DYNC1I1: variants seen among roughly 807,000 people sequenced by gnomAD.
The protein encoded by DYNC1I1 is dynein cytoplasmic 1 intermediate chain 1.
DYNC1I1 carries 43 observed loss-of-function variants against 86.6 expected under a neutral mutation model. The ratio of observed to expected loss-of-function variants is 0.50; its 90% CI spans 0.39 to 0.64. The LOEUF (loss-of-function observed/expected upper bound fraction) is 0.64, where lower values mean the gene tolerates loss of function less well. Among genes scored for constraint, DYNC1I1 ranks in the 30% least tolerant of loss-of-function variants. The probability of loss-of-function intolerance (pLI) is 0.00; values close to 1 mark genes in which losing one functional copy is unlikely to be tolerated. For synonymous variants in DYNC1I1, 262 were observed against 283.7 expected (o/e 0.92, Z 0.77); for missense variants, 604 against 788.8 (o/e 0.77, Z 2.81).
intron 2 of DYNC1I1, 44 bp downstream of exon 2, chr7:95,804,881 C>G: frequency 6.5e-7 from 1 of 1,532,222 alleles, no homozygotes; most frequent in Non-Finnish European, 8.8e-7. Context: ...AAAGGAAAAT[C>G]ACTTGATTCT....
chr7:95,806,584 A>G (rs192643270), intron 2 of DYNC1I1, among the ~76,000 whole-genome samples: 1 of 152,252 alleles, frequency 6.6e-6, no homozygotes, highest in East Asian at 1.9e-4. Flanking sequence ...TAGTTTCCTC[A>G]TTTCTAAACT....
intron 6 of DYNC1I1, among the ~76,000 whole-genome samples, chr7:95,953,619 T>C (rs975286127): frequency 3.9e-5 from 6 of 152,204 alleles, no homozygotes; most frequent in Non-Finnish European, 8.8e-5. Context: ...GGACTGAAAC[T>C]AGAAAGAACT....
At chr7:96,067,445 CTT>C (rs555422571) in intron 14 of DYNC1I1, among the ~76,000 whole-genome samples, 23 of 138,732 alleles carry the variant, frequency 1.7e-4, no homozygotes, top group African/African-American at 2.1e-4. Context: ...TCTTTCTTTC[CTT>C]TTTTTTTTTT....
In DYNC1I1 at chr7:95,986,980, T is replaced by G. The variant is rs1793611303; in HGVS notation, c.744-76T>G. Reference sequence around the variant, plus strand: ...CAGAGAGTATTGTGTGCCAGGCTTTTGCCATATCAGTGCTTCTATATGAGC... The same window carrying G: ...CAGAGAGTATTGTGTGCCAGGCTTTGGCCATATCAGTGCTTCTATATGAGC... On this transcript the variant is annotated intron_variant, in intron 8 of 16. Coordinates refer to ENST00000447467, the MANE Select transcript of DYNC1I1 (RefSeq NM_001135556.2). The G allele has an allele frequency of 6.8e-6, 9 of 1,314,654 alleles. No homozygotes were observed. In the Admixed American group the frequency reaches 1.4e-4, roughly 20 times the overall value. 81.4% of individuals were successfully genotyped at this position (1,314,654 alleles called of 1,614,324 possible). A position where few individuals can be genotyped will look rare whatever the true frequency, so the allele number is the denominator to read the frequency against.
At chr7:95,987,225 G>C in intron 9 of DYNC1I1, 70 bp downstream of exon 9, 1 of 1,386,388 alleles carries the variant, frequency 7.2e-7, no homozygotes, top group Non-Finnish European at 1.0e-6. Context: ...AAAAATAAGA[G>C]ATTTGTTTAC....
chr7:95,963,505 T>G, intron 6 of DYNC1I1, among the ~76,000 whole-genome samples: 1 of 152,178 alleles, frequency 6.6e-6, no homozygotes, highest in East Asian at 1.9e-4. Context: ...AGCATGAAAC[T>G]GAAATGACTG....
chr7:95,906,844 T>C (rs1791190012), intron 6 of DYNC1I1, among the ~76,000 whole-genome samples: 1 of 152,104 alleles, frequency 6.6e-6, no homozygotes, highest in African/African-American at 2.4e-5. Context: ...AGGACACACA[T>C]TGGGCAGCCC....
At chr7:96,015,931 G>A (rs765148996) in intron 10 of DYNC1I1, among the ~76,000 whole-genome samples, 2 of 152,094 alleles carry the variant, frequency 1.3e-5, no homozygotes, top group African/African-American at 2.4e-5. Context: ...CTTCAAAGTA[G>A]CAGTTTATCA....
intron 1 of DYNC1I1, among the ~76,000 whole-genome samples, chr7:95,782,894 A>C (rs775474674): frequency 1.3e-4 from 20 of 151,724 alleles, no homozygotes; most frequent in Non-Finnish European, 2.4e-4. Context: ...CCCCAGCCGA[A>C]CTCCTCTCGA....
intron 10 of DYNC1I1, among the ~76,000 whole-genome samples, chr7:96,025,748 T>C (rs1178963526): frequency 6.6e-6 from 1 of 152,014 alleles, no homozygotes; most frequent in African/African-American, 2.4e-5. Context: ...GGTTGGGTTC[T>C]AGTTGATTGC....
intron 5 of DYNC1I1, among the ~76,000 whole-genome samples, chr7:95,869,278 G>C (rs984017526): frequency 6.6e-6 from 1 of 152,146 alleles, no homozygotes; most frequent in Non-Finnish European, 1.5e-5. Context: ...GGAATGCTGT[G>C]CTAAGGCTTT....
chr7:95,810,428 G>A lies in DYNC1I1; in HGVS notation c.145G>A (p.Asp49Asn), dbSNP rs772623334. ...GCAGAAGAAAGAACCCGTTCAGGACGACTCTGATCTGGATCGCAAACGACG... is the reference window on the plus strand; with the variant it reads ...GCAGAAGAAAGAACCCGTTCAGGACAACTCTGATCTGGATCGCAAACGACG... Reference protein sequence around the residue: ...MQQKKEPVQDDSDLDRKRRET... With the variant: ...MQQKKEPVQDNSDLDRKRRET... The change falls in exon 3 of 17, where the codon GAC (aspartate) becomes AAC (asparagine). Residue 49 changes from aspartate to asparagine, a missense_variant. By Grantham distance (23) the Asp-to-Asn change is conservative. Transcript: ENST00000447467. The A allele has an allele frequency of 3.2e-5, 51 of 1,612,634 alleles. 1 individual carries two copies. Among genetic ancestry groups the A allele is most frequent in the Non-Finnish European group, 6.8e-6 (8 of 1,179,264 alleles).
chr7:95,931,765 T>A (rs1005782025), intron 6 of DYNC1I1, among the ~76,000 whole-genome samples: 1 of 152,244 alleles, frequency 6.6e-6, no homozygotes, highest in Admixed American at 6.5e-5. Context: ...CCTGAAATGT[T>A]TACTGACTAG....
intron 6 of DYNC1I1, among the ~76,000 whole-genome samples, chr7:95,942,598 A>C (rs1381841164): frequency 6.6e-6 from 1 of 152,138 alleles, no homozygotes; most frequent in Admixed American, 6.5e-5. Context: ...AATATCCTTG[A>C]TGAACATTGA....
intron 16 of DYNC1I1, among the ~76,000 whole-genome samples, chr7:96,082,762 CAT>C (rs1203650913): frequency 2.6e-5 from 4 of 152,116 alleles, no homozygotes; most frequent in Non-Finnish European, 4.4e-5. Flanking sequence ...TTGAATATGA[CAT>C]ATTTTGTGAG....
At chr7:96,065,535 G>A (rs1203909624) in intron 14 of DYNC1I1, among the ~76,000 whole-genome samples, 1 of 151,910 alleles carries the variant, frequency 6.6e-6, no homozygotes, top group Non-Finnish European at 1.5e-5. Flanking sequence ...TCATCACCAT[G>A]CCTGGCTAAA....
chr7:95,818,641 C>T (rs1021206339), intron 4 of DYNC1I1: 26 of 497,562 alleles, frequency 5.2e-5, no homozygotes, highest in African/African-American at 4.4e-4. Context: ...CCATTGTGCC[C>T]AGCCTAAAAA....
At chr7:95,902,178 G>A (rs1424597228) in intron 6 of DYNC1I1, among the ~76,000 whole-genome samples, 1 of 152,128 alleles carries the variant, frequency 6.6e-6, no homozygotes, top group Admixed American at 6.6e-5. Context: ...ATTGTTTTTG[G>A]TATATGAGCC....
intron 6 of DYNC1I1, among the ~76,000 whole-genome samples, chr7:95,879,264 T>C (rs1462908821): frequency 1.3e-5 from 2 of 152,204 alleles, no homozygotes; most frequent in African/African-American, 4.8e-5. Context: ...TAAAACACTA[T>C]ACCAATAATT....
Sources: gnomAD v4.1 joint callset for allele counts (sites outside exome capture counted in the v4.1 genomes callset) on GRCh38, gnomAD v4.1.1 for gene constraint, MANE v1.5 for transcripts, NCBI Gene and HGNC (gene_info 2026-07-23, HGNC 2026-07-21) for gene names.